Variants in AKAP8L observed in about 807,000 individuals in gnomAD.
AKAP8L encodes the protein A-kinase anchoring protein 8 like, also known as A-kinase anchor protein 8-like.
Under a neutral mutation model 77.5 loss-of-function variants are expected in AKAP8L, and 34 were observed. The observed-to-expected ratio is 0.44, with a 90% CI of 0.33 to 0.58. AKAP8L has a LOEUF of 0.58. Ranked by LOEUF, AKAP8L falls within the 20% of genes least tolerant of loss-of-function variation. The probability of loss-of-function intolerance (pLI) is 0.02; values close to 1 mark genes in which losing one functional copy is unlikely to be tolerated. For missense variants in AKAP8L, 806 were observed against 887.6 expected (o/e 0.91, Z 1.17); for synonymous variants, 342 against 340.7 (o/e 1.00, Z -0.04).
rs1967416742 is a variant in AKAP8L, at chr19:15,381,505, T to C, written c.1537-893A>G. 2.6e-5 allele frequency among the ~76,000 whole-genome samples: 4 copies of C among 152,160 alleles called. No homozygotes were observed. The South Asian group carries it at 8.3e-4, about 32-fold the overall frequency. On this transcript the variant is annotated intron_variant, in intron 12 of 13. Coordinates refer to ENST00000397410, the MANE Select transcript of AKAP8L (RefSeq NM_014371.4). ...CTCACTTTGATCATTATAAAAACCA[T>C]AAGGTAAAAGAAGGATATTTTTGGT...
At position 15,414,601 on chromosome 19, in the gene AKAP8L, G is replaced by C. The variant is rs182843159; in HGVS notation, c.14-4007C>G. Among the ~76,000 whole-genome samples, 848 of 151,784 alleles carry C rather than the reference G, an allele frequency of 5.6e-3. 9 individuals are homozygous for C. Among genetic ancestry groups the C allele is most frequent in the Middle Eastern group, 0.021 (6 of 290 alleles). ...CCTCCTGGGGTCACGCCATTCTCCTGCCTCAGCCTCCTGAGTAGCTGGGAC... is the reference window on the plus strand; with the variant it reads ...CCTCCTGGGGTCACGCCATTCTCCTCCCTCAGCCTCCTGAGTAGCTGGGAC... On this transcript the variant is annotated intron_variant, in intron 1 of 13. Coordinates refer to ENST00000397410, the MANE Select transcript of AKAP8L (RefSeq NM_014371.4).
At position 15,397,297 on chromosome 19, in the gene AKAP8L, G is replaced by C; in HGVS notation, c.1406-17C>G. On this transcript the variant is annotated splice_polypyrimidine_tract_variant and intron_variant, in intron 11 of 13. Transcript: ENST00000397410. This position sits in a 1 kb window ranked among gnomAD's most constrained non-coding sequence, Gnocchi z 4.7. ...TGGCAATTTCTGTAGTGGGGAGGAG[G>C]GAGTCACCACTGGGCCCAGGTGCCT... 1 of 1,613,626 alleles carries C rather than the reference G, an allele frequency of 6.2e-7. No homozygotes were observed. Among genetic ancestry groups the C allele is most frequent in the African/African-American group, 1.3e-5 (1 of 75,026 alleles).
At position 15,399,556 on chromosome 19, in the gene AKAP8L, C is replaced by A. The variant is rs1011196451; in HGVS notation, c.1049-146G>T. The A allele has an allele frequency of 4.5e-6, 3 of 671,768 alleles. No homozygotes were observed. The highest frequency in any genetic ancestry group is 3.5e-5 in the African/African-American group (2 of 56,432). 41.6% of individuals were successfully genotyped at this position (671,768 alleles called of 1,614,324 possible). On this transcript the variant is annotated intron_variant, in intron 8 of 13. Transcript: ENST00000397410. The surrounding 1 kb of genome is among the most constrained non-coding windows in gnomAD (Gnocchi z 6.1). Reference sequence around the variant, plus strand: ...GCAAGGCCTCTGGCCATGAGCAGGGCTGGGTATCCTGGGCTGTGCAGGGAG... The same window carrying A: ...GCAAGGCCTCTGGCCATGAGCAGGGATGGGTATCCTGGGCTGTGCAGGGAG...
chr19:15,380,239 T>TGGGGGC lies in AKAP8L; in HGVS notation c.1818_1823dup (p.Pro607_Pro608dup). ...GCACGGCGCCCTCCTCCTCCTCCTC[T>TGGGGGC]GGGGGCGGCGGCGGTGGCGGCGACA... On this transcript the variant is annotated inframe_insertion, in exon 14 of 14. Transcript: ENST00000397410. The TGGGGGC allele has an allele frequency of 6.7e-7, 1 of 1,499,878 alleles. No homozygotes were observed. The highest frequency in any genetic ancestry group is 8.8e-7 in the Non-Finnish European group (1 of 1,134,444). 92.9% of individuals were successfully genotyped at this position (1,499,878 alleles called of 1,614,324 possible). A position where few individuals can be genotyped will look rare whatever the true frequency, so the allele number is the denominator to read the frequency against.
At chr19:15,411,923 A>G (rs1968112665) in intron 1 of AKAP8L, among the ~76,000 whole-genome samples, 1 of 152,072 alleles carries the variant, frequency 6.6e-6, no homozygotes, top group African/African-American at 2.4e-5. Context: ...TAAAAATACA[A>G]AAATTACAGG....
At chr19:15,402,861 G>A (rs942814647) in intron 4 of AKAP8L, among the ~76,000 whole-genome samples, 3 of 152,202 alleles carry the variant, frequency 2.0e-5, no homozygotes, top group African/African-American at 4.8e-5. Context: ...TCTGGTAGGC[G>A]AGGCCCAGCC....
intron 2 of AKAP8L, among the ~76,000 whole-genome samples, chr19:15,408,240 AT>A (rs1346675552): frequency 6.6e-6 from 1 of 152,120 alleles, no homozygotes; most frequent in East Asian, 1.9e-4. Context: ...TGGTCAACTG[AT>A]TTTCAGTAAA....
At chr19:15,414,418 G>GTA (rs1052523166) in intron 1 of AKAP8L, among the ~76,000 whole-genome samples, 1 of 151,524 alleles carries the variant, frequency 6.6e-6, no homozygotes, top group Admixed American at 6.6e-5. Context: ...GATTAGCGCT[G>GTA]GTTGAAAAAA....
chr19:15,392,135 T>C (rs1407959269), intron 12 of AKAP8L, among the ~76,000 whole-genome samples: 2 of 152,230 alleles, frequency 1.3e-5, no homozygotes, highest in South Asian at 4.1e-4. Context: ...TGCCTAGCCA[T>C]AGCTGAAATA....
intron 1 of AKAP8L, chr19:15,417,818 G>C (rs1968235265): frequency 2.0e-5 from 3 of 152,234 alleles, no homozygotes; most frequent in South Asian, 2.1e-4. Context: ...GGGAGGCCTA[G>C]TGTAAGTCTC....
At chr19:15,392,807 A>G (rs1208713130) in intron 12 of AKAP8L, among the ~76,000 whole-genome samples, 1 of 147,760 alleles carries the variant, frequency 6.8e-6, no homozygotes, top group East Asian at 2.1e-4. Flanking sequence ...GAGACAGGAG[A>G]ATTGCCTGAA....
chr19:15,415,759 A>G (rs1053884930), intron 1 of AKAP8L, among the ~76,000 whole-genome samples: 36 of 151,966 alleles, frequency 2.4e-4, no homozygotes, highest in Middle Eastern at 3.4e-3. Context: ...GGTGGCGGGC[A>G]CCTGTAGTCC....
At position 15,397,209 on chromosome 19, in the gene AKAP8L, T is replaced by C; in HGVS notation, c.1477A>G (p.Met493Val). Residue 493 changes from methionine to valine, a missense_variant, in exon 12 of 14, where the codon ATG (methionine) becomes GTG (valine). Physicochemically the swap from Met to Val is conservative, Grantham distance 21. Around this residue, in one of 2 missense-constraint regions of AKAP8L, gnomAD observed 580 missense variants for 694.1 expected, o/e 0.84. Coordinates refer to ENST00000397410, the MANE Select transcript of AKAP8L (RefSeq NM_014371.4). The surrounding 1 kb of genome is among the most constrained non-coding windows in gnomAD (Gnocchi z 4.7). ...HCAACDLFIPMQFGIIQKHLK... is the reference protein window; with the variant it reads ...HCAACDLFIPVQFGIIQKHLK... ...TGCTTCTGGATGATCCCAAACTGCA[T>C]GGGAATGAAGAGGTCGCAGGCTGCA... 1 of 1,613,988 alleles carries C rather than the reference T, an allele frequency of 6.2e-7. No homozygotes were observed. Among genetic ancestry groups the C allele is most frequent in the Middle Eastern group, 1.7e-4 (1 of 6,056 alleles).
intron 4 of AKAP8L, among the ~76,000 whole-genome samples, chr19:15,402,998 C>T (rs936289143): frequency 6.6e-6 from 1 of 152,126 alleles, no homozygotes; most frequent in African/African-American, 2.4e-5. Flanking sequence ...TTGTAAGGCA[C>T]AGGAGAGTAA....
intron 1 of AKAP8L, among the ~76,000 whole-genome samples, 198 bp downstream of exon 1, chr19:15,418,713 C>T (rs1968265497): frequency 6.6e-6 from 1 of 152,218 alleles, no homozygotes; most frequent in African/African-American, 2.4e-5. Context: ...AGCCGGGACG[C>T]CGGCTGCAGA....
At position 15,393,592 on chromosome 19, in the gene AKAP8L, A is replaced by C. The variant is rs528978731; in HGVS notation, c.1536+3558T>G. On this transcript the variant is annotated intron_variant, in intron 12 of 13. Coordinates refer to ENST00000397410, the MANE Select transcript of AKAP8L (RefSeq NM_014371.4). ...CTACGCAAATCAAAACCACAATGAGATACTACTTCCCACCCACTAGGATGA... is the reference window on the plus strand; with the variant it reads ...CTACGCAAATCAAAACCACAATGAGCTACTACTTCCCACCCACTAGGATGA... 3.6e-4 allele frequency among the ~76,000 whole-genome samples: 55 copies of C among 152,270 alleles called. No homozygotes were observed. The South Asian group carries it at 0.011, about 32-fold the overall frequency.
At chr19:15,406,466 T>C (rs898870412) in intron 2 of AKAP8L, among the ~76,000 whole-genome samples, 3 of 150,394 alleles carry the variant, frequency 2.0e-5, no homozygotes, top group Admixed American at 1.3e-4. Flanking sequence ...AAATAAGATA[T>C]ATGTACATAT....
At chr19:15,410,874 A>G (rs1280522930) in intron 1 of AKAP8L, among the ~76,000 whole-genome samples, 1 of 152,232 alleles carries the variant, frequency 6.6e-6, no homozygotes, top group Non-Finnish European at 1.5e-5. Flanking sequence ...ACGCAGTGGC[A>G]TGATCACGGC....
At chr19:15,395,963 G>A (rs540911051) in intron 12 of AKAP8L, among the ~76,000 whole-genome samples, 11 of 95,594 alleles carry the variant, frequency 1.2e-4, no homozygotes, top group Admixed American at 1.5e-4. Context: ...CAGCCTGGGC[G>A]ACAGAGCGAG....
Sources: gnomAD v4.1 joint callset for allele counts (sites outside exome capture counted in the v4.1 genomes callset) on GRCh38, gnomAD v4.1.1 for gene constraint, gnomAD v4.1.1 regional missense constraint, Gnocchi (gnomAD v3.1) non-coding constraint, MANE v1.5 for transcripts, NCBI Gene and HGNC (gene_info 2026-07-23, HGNC 2026-07-21) for gene names.